PCBP3: variants seen among roughly 807,000 people sequenced by gnomAD.
The protein encoded by PCBP3 is poly(rC) binding protein 3, also known as poly(rC)-binding protein 3.
Under a neutral mutation model 52.7 loss-of-function variants are expected in PCBP3, and 25 were observed. The observed-to-expected ratio is 0.47, with a 90% CI of 0.35 to 0.66. The LOEUF is 0.66. Ranked by LOEUF, PCBP3 falls within the 30% of genes least tolerant of loss-of-function variation. The pLI, the probability that PCBP3 is intolerant of heterozygous loss-of-function variation, is 0.01. For missense variants in PCBP3, 391 were observed against 490.3 expected, an observed-to-expected ratio of 0.80 and a Z score of 1.91; for synonymous variants, 162 against 183.0, an observed-to-expected ratio of 0.89 and a Z score of 0.93.
chr21:45,902,139 T>A (rs1037804517), intron 9 of PCBP3, among the ~76,000 whole-genome samples: 3 of 151,962 alleles, frequency 2.0e-5, no homozygotes, highest in African/African-American at 4.8e-5. Context: ...GTTGGAGGAG[T>A]GTGCGAGGCC....
At chr21:45,849,055 T>C (rs2093890142) in intron 4 of PCBP3, among the ~76,000 whole-genome samples, 1 of 152,204 alleles carries the variant, frequency 6.6e-6, no homozygotes, top group Admixed American at 6.5e-5. Flanking sequence ...AGGTTCTTTT[T>C]AGAAAAAAAC....
At chr21:45,720,904 G>T (rs1202767049) in intron 2 of PCBP3, among the ~76,000 whole-genome samples, 2 of 152,226 alleles carry the variant, frequency 1.3e-5, no homozygotes, top group Non-Finnish European at 2.9e-5. Context: ...ACTTAAACAA[G>T]AATATTACTT....
chr21:45,659,055 G>C (rs989251973), intron 1 of PCBP3, among the ~76,000 whole-genome samples: 10 of 148,098 alleles, frequency 6.8e-5, no homozygotes, highest in South Asian at 4.3e-4. Flanking sequence ...GGTCATTCTA[G>C]ATAAAAGTTT....
At chr21:45,705,304 A>G (rs1402803327) in intron 2 of PCBP3, among the ~76,000 whole-genome samples, 1 of 152,142 alleles carries the variant, frequency 6.6e-6, no homozygotes, top group Non-Finnish European at 1.5e-5. Flanking sequence ...CACCCTTGTG[A>G]GCAGGGGCCT....
In PCBP3 at chr21:45,929,983, C is replaced by A; in HGVS notation, c.784C>A (p.Pro262Thr). The A allele has an allele frequency of 6.2e-7, 1 of 1,612,600 alleles. No individual in the cohort carries two copies. Among genetic ancestry groups the A allele is most frequent in the Non-Finnish European group, 8.5e-7 (1 of 1,178,760 alleles). ...CTTTCCTCCCCTCGGACAGACCAAC[C>A]CCGCTTTCCCCGGTACGTACCCAGC... ...TPFPPLGQTN[P>T]AFPGEKLPLH... is the part of the protein sequence containing the mutation. Residue 262 changes from proline to threonine, a missense_variant, in exon 14 of 18, where the codon CCC becomes ACC. By Grantham distance (38) the Pro-to-Thr change is conservative. Transcript: ENST00000681687.
At chr21:45,777,914 C>A (rs1305452251) in intron 4 of PCBP3, among the ~76,000 whole-genome samples, 1 of 144,576 alleles carries the variant, frequency 6.9e-6, no homozygotes, top group Non-Finnish European at 1.5e-5. Flanking sequence ...TCAAAAATTT[C>A]TTTTTGATTA....
At chr21:45,683,814 T>C (rs532907256) in intron 2 of PCBP3, among the ~76,000 whole-genome samples, 1 of 151,704 alleles carries the variant, frequency 6.6e-6, no homozygotes, top group Admixed American at 6.6e-5. Context: ...TAGTTCCAGC[T>C]ACTCGGGAGG....
At chr21:45,767,720 C>T (rs778108399) in intron 4 of PCBP3, among the ~76,000 whole-genome samples, 2 of 152,224 alleles carry the variant, frequency 1.3e-5, no homozygotes, top group South Asian at 2.1e-4. Flanking sequence ...GACAGACCTT[C>T]GTGGTGAGGC....
At position 45,704,277 on chromosome 21, in the gene PCBP3, G is replaced by A. The variant is rs1159586274; in HGVS notation, c.-199-31115G>A. Among the ~76,000 whole-genome samples, 1 of 152,170 alleles carries A rather than the reference G, an allele frequency of 6.6e-6. No homozygotes were observed. The highest frequency in any genetic ancestry group is 1.5e-5 in the Non-Finnish European group (1 of 68,024). ...GGAGTCAGTGGTGGCTGGGAGAAGG[G>A]CCATCACTGCTGGGGTGGAGCAGAG... On this transcript the variant is annotated intron_variant, in intron 2 of 17. Transcript: ENST00000681687. The surrounding 1 kb of genome is among the most constrained non-coding windows in gnomAD (Gnocchi z 4.1).
intron 5 of PCBP3, among the ~76,000 whole-genome samples, chr21:45,878,377 G>A (rs2095320501): frequency 6.6e-6 from 1 of 152,242 alleles, no homozygotes; most frequent in African/African-American, 2.4e-5. Context: ...TTCTGGCACT[G>A]TGGCAAAAGC....
chr21:45,778,983 C>G (rs1351492110), intron 4 of PCBP3, among the ~76,000 whole-genome samples: 1 of 152,174 alleles, frequency 6.6e-6, no homozygotes, highest in Non-Finnish European at 1.5e-5. Flanking sequence ...CTCCCAGTCC[C>G]CACAGGGCTT....
At chr21:45,698,290 C>T (rs2082908584) in intron 2 of PCBP3, among the ~76,000 whole-genome samples, 2 of 152,222 alleles carry the variant, frequency 1.3e-5, no homozygotes, top group African/African-American at 4.8e-5. Context: ...GTGCTCTTCT[C>T]TGATTATGCA....
intron 5 of PCBP3, among the ~76,000 whole-genome samples, chr21:45,891,214 G>A (rs1001324827): frequency 2.0e-5 from 3 of 152,190 alleles, no homozygotes; most frequent in Non-Finnish European, 4.4e-5. Flanking sequence ...GAAGTTCCAC[G>A]TGCTGCTTCC....
intron 4 of PCBP3, among the ~76,000 whole-genome samples, chr21:45,786,210 A>AG (rs1168324732): frequency 2.6e-5 from 4 of 151,706 alleles, no homozygotes; most frequent in Non-Finnish European, 5.9e-5. Flanking sequence ...AAAAAAAAAA[A>AG]TAGTGCCAGT....
Position 45,849,976 on chromosome 21 carries a change from G to T in PCBP3, c.-110G>T. The T allele has an allele frequency of 1.9e-6, 2 of 1,077,598 alleles. No homozygotes were observed. The highest frequency in any genetic ancestry group is 2.7e-5 in the South Asian group (2 of 74,188). The allele number at this position is 1,077,598 out of a possible 1,614,324, so 66.8% of individuals were successfully genotyped here. On this transcript the variant is annotated 5_prime_UTR_variant, in exon 5 of 18. Transcript: ENST00000681687. ...TGTGTTTTAGGTCGGTAGGCTCCAC[G>T]ACAAAAGTCAACCCTTCTGTAAATC...
intron 5 of PCBP3, 103 bp downstream of exon 5, chr21:45,850,198 G>A (rs974794437): frequency 1.8e-5 from 17 of 944,818 alleles, no homozygotes; most frequent in Non-Finnish European, 2.4e-5. Flanking sequence ...AAGTGACACA[G>A]TGCTGTATTT....
rs200001399 is a variant in PCBP3 at position 45,833,783 on chromosome 21, T to TGCAGG, written c.-125-16171_-125-16167dup. ...ACCACAGGTGGCTGCTGTGGCCCCA[T>TGCAGG]GCAGGGCAGGGTCACGGAGGGACCA... is the stretch of plus-strand genomic sequence containing the variant. On this transcript the variant is annotated intron_variant, in intron 4 of 17. Transcript: ENST00000681687. 3.6e-3 allele frequency among the ~76,000 whole-genome samples: 555 copies of TGCAGG among 152,328 alleles called. 2 individuals carry two copies. Among genetic ancestry groups the TGCAGG allele is most frequent in the African/African-American group, 0.013 (537 of 41,590 alleles).
At position 45,801,793 on chromosome 21, in the gene PCBP3, T is replaced by C. The variant is rs536014651; in HGVS notation, c.-126+46341T>C. Among the ~76,000 whole-genome samples, 21 of 152,376 alleles carry C rather than the reference T, an allele frequency of 1.4e-4. No individual in the cohort carries two copies. In the South Asian group the frequency reaches 2.1e-3, roughly 15 times the overall value. On this transcript the variant is annotated intron_variant, in intron 4 of 17. Transcript: ENST00000681687. ...TGCTAATTTGTTGCATTAGCAAGTA[T>C]TTGGCTTGTGCATGCAAGACAAGGT... is the stretch of plus-strand genomic sequence containing the variant.
chr21:45,793,789 G>A (rs541099471), intron 4 of PCBP3, among the ~76,000 whole-genome samples: 1 of 152,062 alleles, frequency 6.6e-6, no homozygotes, highest in Non-Finnish European at 1.5e-5. Flanking sequence ...CAAAATACTC[G>A]GGAAAAATGA....
Sources: gnomAD v4.1 joint callset for allele counts (sites outside exome capture counted in the v4.1 genomes callset) on GRCh38, gnomAD v4.1.1 for gene constraint, Gnocchi (gnomAD v3.1) non-coding constraint, MANE v1.5 for transcripts, NCBI Gene and HGNC (gene_info 2026-07-23, HGNC 2026-07-21) for gene names.